The following CAPRIN2 variants were observed in gnomAD, a reference collection of about 807,000 sequenced individuals.
The protein encoded by CAPRIN2 is caprin-2.
Under a neutral mutation model 130.4 loss-of-function variants are expected in CAPRIN2, and 66 were observed. The ratio of observed to expected loss-of-function variants is 0.51; its 90% CI spans 0.42 to 0.62. The LOEUF (loss-of-function observed/expected upper bound fraction) is 0.62, where lower values mean the gene tolerates loss of function less well. Ranked by LOEUF, CAPRIN2 falls within the 20% of genes least tolerant of loss-of-function variation. The pLI is 0.00. For missense variants in CAPRIN2, 1,185 were observed against 1,246.6 expected, an observed-to-expected ratio of 0.95 and a Z score of 0.74; for synonymous variants, 471 against 444.1, an observed-to-expected ratio of 1.06 and a Z score of -0.76.
intron 1 of CAPRIN2, 146 bp downstream of exon 2, chr12:30,753,198 C>T: frequency 1.6e-6 from 1 of 634,724 alleles, no homozygotes; most frequent in Non-Finnish European, 2.7e-6. Flanking sequence ...TTTAATATTT[C>T]CAACACGTAA....
At chr12:30,727,610 T>G (rs1189863678) in intron 8 of CAPRIN2, among the ~76,000 whole-genome samples, 1 of 152,188 alleles carries the variant, frequency 6.6e-6, no homozygotes, top group Non-Finnish European at 1.5e-5. Flanking sequence ...AATTTACAAT[T>G]TAATAAAAGG....
intron 12 of CAPRIN2, chr12:30,719,662 A>AATT (rs2058761872): frequency 1.3e-5 from 2 of 153,030 alleles, no homozygotes; most frequent in South Asian, 4.1e-4. Flanking sequence ...CAGCTACCTA[A>AATT]AACAGAAAAC....
chr12:30,719,980 T>A (rs1206600371), intron 12 of CAPRIN2: 1 of 152,098 alleles, frequency 6.6e-6, no homozygotes, highest in African/African-American at 2.4e-5. Flanking sequence ...GCTAAATTAC[T>A]CCTCAAAATT....
At chr12:30,730,144 T>C (rs1162746834) in intron 7 of CAPRIN2, 95 bp downstream of exon 8, 1 of 1,001,252 alleles carries the variant, frequency 1.0e-6, no homozygotes, top group Non-Finnish European at 1.6e-6. Flanking sequence ...GGGTTCAAGC[T>C]CAGGCAGTCT....
chr12:30,721,038 A>T (rs1280211414), intron 11 of CAPRIN2, 123 bp from the exon 13 acceptor site: 1 of 673,318 alleles, frequency 1.5e-6, no homozygotes, highest in Non-Finnish European at 2.7e-6. Flanking sequence ...GCACTCTGCT[A>T]AACACTTTAT....
At chr12:30,730,609 T>C (rs150269810) in intron 6 of CAPRIN2, among the ~76,000 whole-genome samples, 106 of 152,238 alleles carry the variant, frequency 7.0e-4, no homozygotes, top group African/African-American at 2.3e-3. Context: ...TTATAGCTCA[T>C]GTCCCATGGG....
At chr12:30,741,554 A>C (rs887070681) in intron 2 of CAPRIN2, among the ~76,000 whole-genome samples, 1 of 152,182 alleles carries the variant, frequency 6.6e-6, no homozygotes, top group African/African-American at 2.4e-5. Context: ...ACAGACAAAA[A>C]TAAATATTAT....
At position 30,720,917 on chromosome 12, in the gene CAPRIN2, T is replaced by C. The variant is rs780510734; in HGVS notation, c.2044-2A>G. 21 of 1,597,838 alleles carry C rather than the reference T, an allele frequency of 1.3e-5. No individual in the cohort carries two copies. The highest frequency in any genetic ancestry group is 1.6e-5 in the Non-Finnish European group (19 of 1,165,278). ...ACAAGTAACTGGAGAAGAAGTAGCC[T>C]AGACACAGGAAAATACAAAATATTG... On this transcript the variant is annotated splice_acceptor_variant, in intron 11 of 16. Coordinates refer to ENST00000298892, the Ensembl canonical transcript of CAPRIN2. LOFTEE classifies it high-confidence loss of function.
chr12:30,731,602 T>C (rs370529883), intron 5 of CAPRIN2, 92 bp from the exon 7 acceptor site: 3 of 1,023,788 alleles, frequency 2.9e-6, no homozygotes, highest in Non-Finnish European at 4.4e-6. Context: ...TTGTAGTACA[T>C]TGTTACAATA....
exon 1 of CAPRIN2, chr12:30,753,404 G>C (rs1360547192): frequency 1.2e-6 from 2 of 1,613,830 alleles, no homozygotes; most frequent in Non-Finnish European, 1.7e-6. Flanking sequence ...TTTCAATATA[G>C]GTCTCATACG....
In CAPRIN2 at chr12:30,716,495, G is replaced by A. The variant is rs912863532; in HGVS notation, c.2317+13C>T. 1.2e-6 allele frequency: 2 copies of A among 1,610,768 alleles called. No homozygotes were observed. Among genetic ancestry groups the A allele is most frequent in the Non-Finnish European group, 1.7e-6 (2 of 1,177,492 alleles). ...CCTCTAAGTCTTCCAAATATCATAT[G>A]CAAAGATCTTACCAGTCTCTTGAGA... is the stretch of plus-strand genomic sequence containing the variant. On this transcript the variant is annotated intron_variant, in intron 13 of 16. Transcript: ENST00000298892.
chr12:30,737,892 T>C (rs1377706460), intron 3 of CAPRIN2, among the ~76,000 whole-genome samples: 1 of 152,106 alleles, frequency 6.6e-6, no homozygotes, highest in African/African-American at 2.4e-5. Context: ...CCACCGCGCC[T>C]GGCCGATAAA....
chr12:30,744,021 C>A (rs1359056634), intron 2 of CAPRIN2, among the ~76,000 whole-genome samples: 1 of 152,168 alleles, frequency 6.6e-6, no homozygotes, highest in Non-Finnish European at 1.5e-5. Context: ...ACTCCATCCT[C>A]CCAAAACCTC....
At chr12:30,745,908 CAA>C (rs2069955381) in intron 2 of CAPRIN2, among the ~76,000 whole-genome samples, 1 of 151,990 alleles carries the variant, frequency 6.6e-6, no homozygotes, top group East Asian at 1.9e-4. Context: ...CTAATCTATG[CAA>C]ATAAATTTTA....
chr12:30,712,171 T>C (rs548918379), intron 15 of CAPRIN2, among the ~76,000 whole-genome samples: 13 of 152,216 alleles, frequency 8.5e-5, no homozygotes, highest in Non-Finnish European at 1.5e-4. Context: ...GGGGCAGTAC[T>C]TCAAACAAAC....
At chr12:30,715,182 G>A (rs947102136) in intron 13 of CAPRIN2, 41 bp from the exon 16 acceptor site, 2 of 1,547,696 alleles carry the variant, frequency 1.3e-6, no homozygotes, top group South Asian at 1.1e-5. Context: ...GAGTTAAATG[G>A]TAATAGTCTT....
At chr12:30,731,483 T>G in exon 6 of CAPRIN2, 1 of 1,613,002 alleles carries the variant, frequency 6.2e-7, no homozygotes, top group Non-Finnish European at 8.5e-7. Flanking sequence ...GTTCAGCAAT[T>G]TAGACAGTAG....
chr12:30,713,403 G>A (rs1193518437), intron 15 of CAPRIN2, among the ~76,000 whole-genome samples: 1 of 152,204 alleles, frequency 6.6e-6, no homozygotes, highest in Non-Finnish European at 1.5e-5. Flanking sequence ...ATGTAGTAAA[G>A]TTAAAATCAT....
exon 17 of CAPRIN2, chr12:30,709,902 T>C: frequency 6.2e-7 from 1 of 1,603,542 alleles, no homozygotes; most frequent in Non-Finnish European, 8.5e-7. Flanking sequence ...GTACTGACTT[T>C]CAATCTTGAT....
Sources: allele counts gnomAD v4.1 joint callset (sites outside exome capture counted in the v4.1 genomes callset), GRCh38; gene constraint gnomAD v4.1.1; transcripts MANE v1.5; gene names NCBI Gene and HGNC (gene_info 2026-07-23, HGNC 2026-07-21).